Variants in SND1 observed in about 807,000 individuals in gnomAD.
SND1 encodes the protein staphylococcal nuclease and tudor domain containing 1.
SND1 carries 38 observed loss-of-function variants against 121.7 expected under a neutral mutation model. The ratio of observed to expected loss-of-function variants is 0.31; its 90% CI spans 0.24 to 0.41. The LOEUF (loss-of-function observed/expected upper bound fraction) is 0.41, where lower values mean the gene tolerates loss of function less well. SND1 is among the 10% of genes least tolerant of loss of function. The probability of loss-of-function intolerance (pLI) is 1.00; values close to 1 mark genes in which losing one functional copy is unlikely to be tolerated. For synonymous variants in SND1, 401 were observed against 447.4 expected, an observed-to-expected ratio of 0.90 and a Z score of 1.31; for missense variants, 868 against 1,184.6, an observed-to-expected ratio of 0.73 and a Z score of 3.92.
chr7:127,986,102 T>G (rs1434714991), intron 15 of SND1, among the ~76,000 whole-genome samples: 1 of 152,192 alleles, frequency 6.6e-6, no homozygotes. Flanking sequence ...TCCTGAGACT[T>G]AGTTATCATA....
At chr7:127,923,186 G>T (rs1563059386) in intron 14 of SND1, among the ~76,000 whole-genome samples, 1 of 152,088 alleles carries the variant, frequency 6.6e-6, no homozygotes, top group Admixed American at 6.6e-5. Context: ...ATGGGGTATT[G>T]AACTCCTAGC....
At chr7:127,742,421 C>G (rs1373419527) in intron 10 of SND1, among the ~76,000 whole-genome samples, 1 of 152,150 alleles carries the variant, frequency 6.6e-6, no homozygotes, top group Non-Finnish European at 1.5e-5. Context: ...GGAAACCTCC[C>G]TGTTGGATGA....
At chr7:127,939,558 T>C (rs549881029) in intron 15 of SND1, among the ~76,000 whole-genome samples, 1 of 152,316 alleles carries the variant, frequency 6.6e-6, no homozygotes, top group South Asian at 2.1e-4. Context: ...ACTGGCCTGC[T>C]TATCTTGGTG....
intron 16 of SND1, chr7:128,042,520 G>C (rs369785891): frequency 1.0e-4 from 16 of 152,466 alleles, no homozygotes; most frequent in African/African-American, 3.9e-4. Context: ...AACAAACTGG[G>C]GATGTCGTCA....
At chr7:127,655,273 T>C (rs1028823479) in intron 1 of SND1, among the ~76,000 whole-genome samples, 2 of 152,258 alleles carry the variant, frequency 1.3e-5, no homozygotes, top group African/African-American at 4.8e-5. Context: ...TCTGCTTTGC[T>C]ATCCTGTTAA....
At chr7:128,038,851 T>C (rs1396375081) in intron 16 of SND1, among the ~76,000 whole-genome samples, 2 of 152,240 alleles carry the variant, frequency 1.3e-5, no homozygotes, top group African/African-American at 4.8e-5. Context: ...CATAGATTTT[T>C]ACACTTGCCC....
intron 20 of SND1, chr7:128,086,579 AC>A: frequency 2.9e-6 from 1 of 339,380 alleles, no homozygotes; most frequent in Admixed American, 4.5e-5. Flanking sequence ...CAGCTGGAGA[AC>A]CCCCTGGCCT....
At chr7:127,708,530 A>G (rs1796245758) in intron 9 of SND1, among the ~76,000 whole-genome samples, 1 of 152,106 alleles carries the variant, frequency 6.6e-6, no homozygotes, top group South Asian at 2.1e-4. Flanking sequence ...GTGCAAATCA[A>G]GGAGCACCTA....
intron 11 of SND1, among the ~76,000 whole-genome samples, chr7:127,835,938 T>C (rs1421217405): frequency 6.6e-6 from 1 of 152,234 alleles, no homozygotes; most frequent in Non-Finnish European, 1.5e-5. Context: ...TTGTTATCAC[T>C]ACTTCTAGAA....
chr7:127,973,125 G>A (rs1202504813), intron 15 of SND1, among the ~76,000 whole-genome samples: 1 of 152,194 alleles, frequency 6.6e-6, no homozygotes, highest in Non-Finnish European at 1.5e-5. Flanking sequence ...CCCTGTTTAA[G>A]GAGGCTTTAA....
At position 128,089,792 on chromosome 7, in the gene SND1, T is replaced by G. The variant is rs535853732; in HGVS notation, c.2622+100T>G. On this transcript the variant is annotated intron_variant, in intron 22 of 23. Transcript: ENST00000354725. ...GAAGGGAGCAGGGAATCCACCATCC[T>G]GCTGTTCCTGCTGAGGAAAGATAAT... 7 of 1,040,032 alleles carry G rather than the reference T, an allele frequency of 6.7e-6. No individual in the cohort carries two copies. In the African/African-American group the frequency reaches 1.1e-4, roughly 16 times the overall value. 64.4% of individuals were successfully genotyped at this position (1,040,032 alleles called of 1,614,324 possible).
intron 1 of SND1, among the ~76,000 whole-genome samples, chr7:127,663,074 A>G (rs1004135704): frequency 2.6e-5 from 4 of 151,358 alleles, no homozygotes; most frequent in Non-Finnish European, 5.9e-5. Flanking sequence ...TTTTGTGGAG[A>G]CGGGGTCTCC....
At chr7:127,707,722 T>C in intron 9 of SND1, 75 bp downstream of exon 9, 1 of 1,303,988 alleles carries the variant, frequency 7.7e-7, no homozygotes, top group Non-Finnish European at 1.1e-6. Flanking sequence ...TTTGAACAAT[T>C]AGAAATGCTG....
Position 127,716,902 on chromosome 7 carries a change from G to A in SND1, c.1039-4385G>A, listed in dbSNP as rs554341157. 1.1e-4 allele frequency among the ~76,000 whole-genome samples: 16 copies of A among 152,318 alleles called. No individual in the cohort carries two copies. The South Asian group carries it at 3.3e-3, about 32-fold the overall frequency. On this transcript the variant is annotated intron_variant, in intron 9 of 23. Transcript: ENST00000354725. ...ACTTTCAGTTGGAAAGGAAGTTCTG[G>A]AGATTGTCTCACTAGAAAGGTGGGC... is the stretch of plus-strand genomic sequence containing the variant.
intron 10 of SND1, among the ~76,000 whole-genome samples, chr7:127,736,444 A>G (rs758911871): frequency 6.6e-6 from 1 of 152,252 alleles, no homozygotes; most frequent in South Asian, 2.1e-4. Context: ...ACGTGTCATA[A>G]TTTAACCAGC....
chr7:128,081,734 G>A, intron 18 of SND1: 3 of 628,190 alleles, frequency 4.8e-6, no homozygotes, highest in African/African-American at 1.8e-5. Flanking sequence ...CAGGCATGGA[G>A]GTGCTGCCGG....
chr7:127,958,478 G>A (rs1432664173), intron 15 of SND1, among the ~76,000 whole-genome samples: 1 of 151,920 alleles, frequency 6.6e-6, no homozygotes, highest in Non-Finnish European at 1.5e-5. Context: ...CGCAGAACTA[G>A]GGCTAGCCTG....
chr7:128,075,867 G>A (rs765342028), intron 17 of SND1, among the ~76,000 whole-genome samples: 15 of 152,216 alleles, frequency 9.9e-5, no homozygotes, highest in African/African-American at 2.2e-4. Context: ...GGAGTCACAC[G>A]GCTTCTTCCT....
At chr7:127,963,405 T>G in intron 15 of SND1, among the ~76,000 whole-genome samples, 2 of 136,726 alleles carry the variant, frequency 1.5e-5, no homozygotes, top group African/African-American at 5.5e-5. Flanking sequence ...CCCTCCCCCC[T>G]CCCCGCCGCC....
Sources: gnomAD v4.1 joint callset for allele counts (sites outside exome capture counted in the v4.1 genomes callset) on GRCh38, gnomAD v4.1.1 for gene constraint, MANE v1.5 for transcripts, NCBI Gene and HGNC (gene_info 2026-07-23, HGNC 2026-07-21) for gene names.